CDH12: variants seen among roughly 807,000 people sequenced by gnomAD.
CDH12 encodes the protein cadherin 12, also known as cadherin-12.
Under a neutral mutation model 74.1 loss-of-function variants are expected in CDH12, and 41 were observed. The ratio of observed to expected loss-of-function variants is 0.55; its 90% CI spans 0.43 to 0.72. CDH12 has a LOEUF of 0.72. CDH12 is among the 30% of genes least tolerant of loss of function. CDH12 has a pLI of 0.00. For synonymous variants in CDH12, 399 were observed against 355.0 expected, an observed-to-expected ratio of 1.12 and a Z score of -1.39; for missense variants, 945 against 977.2, an observed-to-expected ratio of 0.97 and a Z score of 0.44.
chr5:21,759,231 A>AT (rs559781767), intron 13 of CDH12, among the ~76,000 whole-genome samples: 1 of 151,814 alleles, frequency 6.6e-6, no homozygotes, highest in South Asian at 2.1e-4. Context: ...TGCAGGTAGA[A>AT]TTTTTTATCT....
chr5:21,935,946 T>C (rs1254802089), intron 6 of CDH12, among the ~76,000 whole-genome samples: 1 of 152,220 alleles, frequency 6.6e-6, no homozygotes, highest in African/African-American at 2.4e-5. Context: ...TATGGCTGAA[T>C]GGTATTCCAT....
chr5:22,781,482 C>T (rs1048970212), intron 1 of CDH12, among the ~76,000 whole-genome samples: 1 of 152,106 alleles, frequency 6.6e-6, no homozygotes, highest in Non-Finnish European at 1.5e-5. Flanking sequence ...AGCCAACAAC[C>T]CCCAAGTCTC....
At chr5:21,972,155 T>C (rs1405236037) in intron 6 of CDH12, among the ~76,000 whole-genome samples, 1 of 152,146 alleles carries the variant, frequency 6.6e-6, no homozygotes. Flanking sequence ...AATCCATTAC[T>C]GTTAAACTTC....
intron 5 of CDH12, among the ~76,000 whole-genome samples, chr5:22,050,895 A>G (rs1740310973): frequency 6.6e-6 from 1 of 152,122 alleles, no homozygotes. Flanking sequence ...TTAAAATGCA[A>G]TATTACTACC....
intron 9 of CDH12, among the ~76,000 whole-genome samples, chr5:21,804,250 T>C (rs895881837): frequency 6.6e-6 from 1 of 152,164 alleles, no homozygotes; most frequent in Admixed American, 6.5e-5. Flanking sequence ...TAATATGCGA[T>C]GGTTGATAAT....
intron 6 of CDH12, among the ~76,000 whole-genome samples, chr5:21,951,701 G>T (rs1036530091): frequency 6.6e-6 from 1 of 152,208 alleles, no homozygotes; most frequent in African/African-American, 2.4e-5. Flanking sequence ...TATGCTAAAA[G>T]AAAGTTCCTT....
At chr5:22,250,765 T>C (rs888687618) in intron 3 of CDH12, among the ~76,000 whole-genome samples, 3 of 152,342 alleles carry the variant, frequency 2.0e-5, no homozygotes, top group East Asian at 1.9e-4. Context: ...TAGAGAGCTC[T>C]TTCTGGCAGC....
At chr5:21,988,874 G>C (rs1757630367) in intron 5 of CDH12, among the ~76,000 whole-genome samples, 1 of 152,068 alleles carries the variant, frequency 6.6e-6, no homozygotes, top group African/African-American at 2.4e-5. Flanking sequence ...CTTCATGCTT[G>C]GGTTAATATG....
At chr5:22,319,956 G>A (rs1738798588) in intron 3 of CDH12, among the ~76,000 whole-genome samples, 1 of 152,094 alleles carries the variant, frequency 6.6e-6, no homozygotes, top group Non-Finnish European at 1.5e-5. Context: ...CAGGAGAAGG[G>A]AGATGGAGAC....
At chr5:22,829,763 T>C (rs897871619) in intron 1 of CDH12, among the ~76,000 whole-genome samples, 1 of 152,218 alleles carries the variant, frequency 6.6e-6, no homozygotes, top group African/African-American at 2.4e-5. Context: ...TTACTCTTGC[T>C]GACCAGAGCC....
intron 2 of CDH12, among the ~76,000 whole-genome samples, chr5:22,503,348 C>T (rs1196417829): frequency 2.0e-5 from 3 of 152,056 alleles, no homozygotes; most frequent in African/African-American, 4.8e-5. Context: ...ACAGGCTCCA[C>T]AGCATTACTC....
chr5:21,951,763 A>G (rs1300750068), intron 6 of CDH12, among the ~76,000 whole-genome samples: 1 of 152,252 alleles, frequency 6.6e-6, no homozygotes, highest in Non-Finnish European at 1.5e-5. Context: ...CACTATCTTC[A>G]TTATGCAAAT....
chr5:22,410,306 C>T (rs545952448), intron 2 of CDH12, among the ~76,000 whole-genome samples: 3 of 152,216 alleles, frequency 2.0e-5, no homozygotes, highest in Admixed American at 2.0e-4. Context: ...ATTACTCTAA[C>T]ATTCCCTCTG....
intron 2 of CDH12, among the ~76,000 whole-genome samples, chr5:22,411,405 T>G (rs1025019425): frequency 6.6e-6 from 1 of 151,898 alleles, no homozygotes; most frequent in Non-Finnish European, 1.5e-5. Context: ...TAGTAAATGG[T>G]AGGAAAGAGG....
At chr5:22,578,932 A>G (rs568211285) in intron 1 of CDH12, among the ~76,000 whole-genome samples, 7 of 152,278 alleles carry the variant, frequency 4.6e-5, no homozygotes, top group African/African-American at 1.4e-4. Flanking sequence ...TGTCTTTTAA[A>G]CAAAATGATT....
chr5:21,902,920 C>T (rs1753465823), intron 6 of CDH12, among the ~76,000 whole-genome samples: 2 of 151,796 alleles, frequency 1.3e-5, no homozygotes, highest in Non-Finnish European at 2.9e-5. Flanking sequence ...AGAATTGAGC[C>T]CATGAAAACA....
At chr5:22,150,014 A>G (rs1012541145) in intron 4 of CDH12, among the ~76,000 whole-genome samples, 3 of 152,012 alleles carry the variant, frequency 2.0e-5, no homozygotes, top group African/African-American at 7.2e-5. Context: ...TAATAAAATA[A>G]AATATTTCGC....
intron 1 of CDH12, among the ~76,000 whole-genome samples, chr5:22,635,812 G>A (rs1329613470): frequency 1.3e-5 from 2 of 151,962 alleles, no homozygotes; most frequent in Non-Finnish European, 2.9e-5. Context: ...TACTCAGGAG[G>A]ATGAGGCAGG....
intron 5 of CDH12, among the ~76,000 whole-genome samples, chr5:22,071,054 G>A (rs182315992): frequency 1.6e-4 from 25 of 152,106 alleles, no homozygotes; most frequent in African/African-American, 6.0e-4. Context: ...GGATTGATAG[G>A]TGCAGCAAAC....
Sources: allele counts gnomAD v4.1 joint callset (sites outside exome capture counted in the v4.1 genomes callset), GRCh38; gene constraint gnomAD v4.1.1; transcripts MANE v1.5; gene names NCBI Gene and HGNC (gene_info 2026-07-23, HGNC 2026-07-21).